The following IBTK variants were observed in gnomAD, a reference collection of about 807,000 sequenced individuals.
IBTK encodes the protein inhibitor of Bruton tyrosine kinase, also known as BTK-binding protein.
IBTK carries 83 observed loss-of-function variants against 154.9 expected under a neutral mutation model. The observed-to-expected ratio is 0.54, with a 90% CI of 0.45 to 0.64. The LOEUF (loss-of-function observed/expected upper bound fraction) is 0.64. Ranked by LOEUF, IBTK falls within the 30% of genes least tolerant of loss-of-function variation. The pLI is 0.00. For missense variants in IBTK, 1,332 were observed against 1,584.6 expected, an observed-to-expected ratio of 0.84 and a Z score of 2.71; for synonymous variants, 515 against 536.1, an observed-to-expected ratio of 0.96 and a Z score of 0.54.
chr6:82,234,690 GA>G (rs932495816), intron 2 of IBTK, among the ~76,000 whole-genome samples: 40 of 151,450 alleles, frequency 2.6e-4, no homozygotes, highest in African/African-American at 9.0e-4. Flanking sequence ...TAAATACACT[GA>G]AAAAAAATTT....
At chr6:82,234,060 A>G (rs1770622607) in intron 3 of IBTK, 99 bp downstream of exon 3, 3 of 492,128 alleles carry the variant, frequency 6.1e-6, no homozygotes, top group Non-Finnish European at 1.1e-5. Context: ...AGTATTCTCG[A>G]ACTCCTGACC....
chr6:82,246,791 C>T (rs1771164970), intron 1 of IBTK, among the ~76,000 whole-genome samples: 1 of 152,198 alleles, frequency 6.6e-6, no homozygotes, highest in Non-Finnish European at 1.5e-5. Flanking sequence ...TGTGAATTTA[C>T]ACCACTTTAT....
At chr6:82,246,694 T>TCTAC (rs1771161247) in intron 1 of IBTK, among the ~76,000 whole-genome samples, 1 of 152,162 alleles carries the variant, frequency 6.6e-6, no homozygotes, top group South Asian at 2.1e-4. Flanking sequence ...TTTGTCCTCA[T>TCTAC]CTACCTTGCC....
At chr6:82,187,332 A>AC (rs1768591450) in intron 25 of IBTK, among the ~76,000 whole-genome samples, 2 of 152,152 alleles carry the variant, frequency 1.3e-5, no homozygotes, top group Non-Finnish European at 2.9e-5. Context: ...AGACTCTTAA[A>AC]ATTTGGATAG....
intron 20 of IBTK, 72 bp downstream of exon 20, chr6:82,200,515 G>C (rs1006007093): frequency 7.8e-7 from 1 of 1,276,442 alleles, no homozygotes. Flanking sequence ...TCCAAGATGA[G>C]AGTGAAGGGA....
At chr6:82,175,040 ATTG>A (rs1414277675) in intron 26 of IBTK, 1 of 455,886 alleles carries the variant, frequency 2.2e-6, no homozygotes, top group South Asian at 1.6e-5. Context: ...CACTGTTATT[ATTG>A]TTTACATGTC....
chr6:82,181,110 C>T (rs1462561726), intron 26 of IBTK, among the ~76,000 whole-genome samples: 1 of 152,098 alleles, frequency 6.6e-6, no homozygotes, highest in Non-Finnish European at 1.5e-5. Flanking sequence ...AATAGCTAGG[C>T]CAGGTGTGGC....
At chr6:82,176,786 C>T (rs1161963264) in intron 26 of IBTK, among the ~76,000 whole-genome samples, 1 of 151,968 alleles carries the variant, frequency 6.6e-6, no homozygotes, top group African/African-American at 2.4e-5. Context: ...GTGGAATTTC[C>T]TGAGATGAGT....
chr6:82,199,534 T>G (rs1769120896), intron 21 of IBTK, among the ~76,000 whole-genome samples: 1 of 152,198 alleles, frequency 6.6e-6, no homozygotes, highest in South Asian at 2.1e-4. Flanking sequence ...AACCCCCTTA[T>G]GCATATGAAT....
chr6:82,242,885 C>G (rs1467041081), intron 1 of IBTK, among the ~76,000 whole-genome samples: 1 of 150,806 alleles, frequency 6.6e-6, no homozygotes, highest in South Asian at 2.1e-4. Flanking sequence ...TGCAGTGAGC[C>G]GAGATCCCGC....
rs1770070857 is a variant in IBTK at position 82,220,864 on chromosome 6, C to T, written c.1125-151G>A. On this transcript the variant is annotated intron_variant, in intron 8 of 28. Transcript: ENST00000306270. ...TTGGTCTTTGGTATCTCTAGCCTTCCATTCTGTAAATTTCCCCTACAAGGG... is the reference window on the plus strand; with the variant it reads ...TTGGTCTTTGGTATCTCTAGCCTTCTATTCTGTAAATTTCCCCTACAAGGG... 7.0e-6 allele frequency: 4 copies of T among 570,356 alleles called. No homozygotes were observed. In the Admixed American group the frequency reaches 1.5e-4, roughly 21 times the overall value. The allele number at this position is 570,356 out of a possible 1,614,324, so 35.3% of individuals were successfully genotyped here.
chr6:82,212,133 C>T (rs1422899849), intron 13 of IBTK, among the ~76,000 whole-genome samples: 1 of 151,604 alleles, frequency 6.6e-6, no homozygotes, highest in South Asian at 2.1e-4. Flanking sequence ...TGGCTGGGAT[C>T]ACAGGCACCC....
chr6:82,193,231 GTA>G (rs1302765353), intron 23 of IBTK, among the ~76,000 whole-genome samples: 3 of 152,020 alleles, frequency 2.0e-5, no homozygotes, highest in Non-Finnish European at 2.9e-5. Flanking sequence ...AAATGTTTGT[GTA>G]TATGTCAATA....
chr6:82,189,827 CA>C (rs1768696159), intron 25 of IBTK, among the ~76,000 whole-genome samples: 1 of 152,216 alleles, frequency 6.6e-6, no homozygotes, highest in Non-Finnish European at 1.5e-5. Context: ...TTAATTCTCT[CA>C]AACTGCAATT....
intron 12 of IBTK, among the ~76,000 whole-genome samples, chr6:82,213,095 T>C (rs936326324): frequency 2.6e-5 from 4 of 152,070 alleles, no homozygotes; most frequent in African/African-American, 9.7e-5. Context: ...TGGCATGATC[T>C]TAGTTCACTG....
chr6:82,173,684 T>TATATATATATATATATATATATATAA (rs1554181580), intron 26 of IBTK: 1 of 220,692 alleles, frequency 4.5e-6, no homozygotes, highest in Non-Finnish European at 8.6e-6. Context: ...AATATATATA[T>TATATATATATATATATATATATATAA]ACACACACCA....
At chr6:82,247,419 G>A in intron 1 of IBTK, 143 bp downstream of exon 1, 1 of 395,676 alleles carries the variant, frequency 2.5e-6, no homozygotes, top group Non-Finnish European at 4.4e-6. Flanking sequence ...GCAGCCTCGG[G>A]GCCACAGAGT....
At chr6:82,174,840 CA>C in intron 26 of IBTK, 1 of 383,474 alleles carries the variant, frequency 2.6e-6, no homozygotes, top group Non-Finnish European at 5.1e-6. Context: ...AGAGAGATAA[CA>C]AAAATCTGGT....
intron 19 of IBTK, 68 bp downstream of exon 19, chr6:82,201,354 G>C: frequency 9.3e-7 from 1 of 1,080,338 alleles, no homozygotes; most frequent in Non-Finnish European, 1.4e-6. Context: ...CCATTAATAA[G>C]TCTGATCTAA....
Sources: allele counts gnomAD v4.1 joint callset (sites outside exome capture counted in the v4.1 genomes callset), GRCh38; gene constraint gnomAD v4.1.1; transcripts MANE v1.5; gene names NCBI Gene and HGNC (gene_info 2026-07-23, HGNC 2026-07-21).